The following PIK3AP1 variants were observed in gnomAD, a reference collection of about 807,000 sequenced individuals.
PIK3AP1 encodes the protein phosphoinositide-3-kinase adaptor protein 1, also known as phosphoinositide 3-kinase adapter protein 1.
A neutral mutation model predicts 88.1 loss-of-function variants in PIK3AP1; 21 were observed. The ratio of observed to expected loss-of-function variants is 0.24; its 90% CI spans 0.17 to 0.34. PIK3AP1 has a LOEUF of 0.34. PIK3AP1 is among the 10% of genes least tolerant of loss of function. The probability of loss-of-function intolerance (pLI) is 1.00; values close to 1 mark genes in which losing one functional copy is unlikely to be tolerated. For missense variants in PIK3AP1, 828 were observed against 1,035.7 expected (o/e 0.80, Z 2.75); for synonymous variants, 398 against 400.0 (o/e 1.00, Z 0.06).
intron 8 of PIK3AP1, among the ~76,000 whole-genome samples, chr10:96,635,058 A>G (rs904820982): frequency 1.3e-5 from 2 of 152,118 alleles, no homozygotes; most frequent in South Asian, 2.1e-4. Context: ...GACCTTTTTG[A>G]TTATATTGGG....
chr10:96,656,360 G>A (rs1589519448), intron 3 of PIK3AP1, among the ~76,000 whole-genome samples: 1 of 152,290 alleles, frequency 6.6e-6, no homozygotes, highest in Non-Finnish European at 1.5e-5. Flanking sequence ...GGTTTCAGCC[G>A]TCAAGCTTCA....
intron 8 of PIK3AP1, among the ~76,000 whole-genome samples, chr10:96,645,052 C>A (rs1843440491): frequency 1.3e-5 from 2 of 152,140 alleles, no homozygotes; most frequent in South Asian, 4.1e-4. Flanking sequence ...TCTTTAATTT[C>A]TCTTTCCTAT....
At position 96,651,359 on chromosome 10, in the gene PIK3AP1, T is replaced by C; in HGVS notation, c.877A>G (p.Asn293Asp). ...MCQAFKIVPY[N>D]TETLDKLLTE... ...AGCAGTTTATCAAGGGTCTCTGTGTTGTAGGGCACAATTTTAAAGGCCTGA... is the reference window on the plus strand; with the variant it reads ...AGCAGTTTATCAAGGGTCTCTGTGTCGTAGGGCACAATTTTAAAGGCCTGA... Residue 293 changes from asparagine (N) to aspartate (D), a missense_variant, in exon 6 of 17, where the codon AAC becomes GAC. Around this residue, in one of 3 missense-constraint regions of PIK3AP1, gnomAD observed 610 missense variants for 760.1 expected, o/e 0.80. Coordinates refer to ENST00000339364, the MANE Select transcript of PIK3AP1 (RefSeq NM_152309.3). 3.1e-6 allele frequency: 5 copies of C among 1,614,220 alleles called. No homozygotes were observed. Among genetic ancestry groups the C allele is most frequent in the Non-Finnish European group, 4.2e-6 (5 of 1,180,048 alleles).
chr10:96,626,573 G>T, intron 10 of PIK3AP1, 135 bp downstream of exon 10: 1 of 938,238 alleles, frequency 1.1e-6, no homozygotes, highest in Non-Finnish European at 1.6e-6. Context: ...ATATGACCCT[G>T]TCTCGTAGGG....
At chr10:96,697,520 C>T (rs530376329) in intron 2 of PIK3AP1, among the ~76,000 whole-genome samples, 1 of 152,208 alleles carries the variant, frequency 6.6e-6, no homozygotes, top group Admixed American at 6.5e-5. Flanking sequence ...TCCAGGAGTT[C>T]GAGACTAGCC....
Position 96,656,923 on chromosome 10 carries a change from C to G in PIK3AP1, c.442G>C (p.Asp148His). ...TCAGGCTCAGTGTCAGTGACTGAGT[C>G]ACAGCCAGAATCTACAAAATAGAGG... is the stretch of plus-strand genomic sequence containing the variant. ...KKAISEDSGC[D>H]SVTDTEPEDE... The change falls in exon 3 of 17, where the codon GAC (aspartate) becomes CAC (histidine). Residue 148 changes from aspartate to histidine, a missense_variant. By Grantham distance (81) the Asp-to-His change is moderately conservative (BLOSUM62 -1). Coordinates refer to ENST00000339364, the MANE Select transcript of PIK3AP1 (RefSeq NM_152309.3). 2 of 1,613,926 alleles carry G rather than the reference C, an allele frequency of 1.2e-6. No homozygotes were observed. The highest frequency in any genetic ancestry group is 1.1e-5 in the South Asian group (1 of 91,072).
intron 8 of PIK3AP1, among the ~76,000 whole-genome samples, chr10:96,640,722 G>C (rs1843373037): frequency 6.6e-6 from 1 of 151,810 alleles, no homozygotes; most frequent in Non-Finnish European, 1.5e-5. Flanking sequence ...CAGTGGTGCA[G>C]TCATGGCTCA....
chr10:96,659,459 C>G (rs1226819126), intron 2 of PIK3AP1, among the ~76,000 whole-genome samples: 1 of 152,080 alleles, frequency 6.6e-6, no homozygotes, highest in Non-Finnish European at 1.5e-5. Flanking sequence ...TCCTTTATTT[C>G]TCCCAAATTA....
intron 14 of PIK3AP1, among the ~76,000 whole-genome samples, chr10:96,606,849 A>G (rs993400154): frequency 6.6e-6 from 1 of 152,234 alleles, no homozygotes; most frequent in Non-Finnish European, 1.5e-5. Flanking sequence ...TTGGTGGATC[A>G]AGGAGTGAGA....
chr10:96,689,434 G>A (rs909549194), intron 2 of PIK3AP1, among the ~76,000 whole-genome samples: 4 of 151,728 alleles, frequency 2.6e-5, no homozygotes, highest in Admixed American at 2.6e-4. Context: ...GCTGGGCGTG[G>A]TGGCGGGCGC....
intron 12 of PIK3AP1, chr10:96,619,553 C>T (rs1843048782): frequency 6.6e-6 from 1 of 152,210 alleles, no homozygotes; most frequent in Non-Finnish European, 1.5e-5. Flanking sequence ...GTCCCTTAAC[C>T]TCCTGAGCCC....
chr10:96,601,594 C>G (rs1848897443), intron 16 of PIK3AP1, among the ~76,000 whole-genome samples: 1 of 152,116 alleles, frequency 6.6e-6, no homozygotes, highest in African/African-American at 2.4e-5. Flanking sequence ...AGGCTTCCCA[C>G]CACCATACGA....
chr10:96,640,249 C>G (rs1170602497), intron 8 of PIK3AP1, among the ~76,000 whole-genome samples: 1 of 152,216 alleles, frequency 6.6e-6, no homozygotes, highest in East Asian at 1.9e-4. Context: ...TAATGCCTTT[C>G]TCTTTTCGCT....
intron 2 of PIK3AP1, among the ~76,000 whole-genome samples, chr10:96,678,887 G>A (rs1843961636): frequency 6.6e-6 from 1 of 152,182 alleles, no homozygotes; most frequent in African/African-American, 2.4e-5. Flanking sequence ...GACCCCTGTA[G>A]GGGAAGAGGA....
At chr10:96,691,184 C>T (rs1453307499) in intron 2 of PIK3AP1, among the ~76,000 whole-genome samples, 1 of 152,178 alleles carries the variant, frequency 6.6e-6, no homozygotes, top group Non-Finnish European at 1.5e-5. Flanking sequence ...ATGGAGACAG[C>T]TGAGGCTTGT....
intron 13 of PIK3AP1, among the ~76,000 whole-genome samples, chr10:96,613,017 G>T (rs1589487535): frequency 2.2e-5 from 1 of 45,986 alleles, no homozygotes; most frequent in Non-Finnish European, 3.9e-5. Context: ...TTTTTTTTTT[G>T]AGACAGAGTC....
In PIK3AP1 at chr10:96,595,128, A is replaced by C. The variant is rs988372726; in HGVS notation, c.*449T>G. ...TACAGAAAAGTAGAAGAATTATTTT[A>C]AAATTAGGTCACTTATCTTACTTGA... is the stretch of plus-strand genomic sequence containing the variant. On this transcript the variant is annotated 3_prime_UTR_variant, in exon 17 of 17. Transcript: ENST00000339364. The C allele has an allele frequency of 6.2e-6, 1 of 160,352 alleles. No individual in the cohort carries two copies. Among genetic ancestry groups the C allele is most frequent in the South Asian group, 1.8e-4 (1 of 5,600 alleles). 9.9% of individuals were successfully genotyped at this position (160,352 alleles called of 1,614,324 possible).
chr10:96,616,156 C>T (rs773916180), intron 13 of PIK3AP1, among the ~76,000 whole-genome samples: 37 of 152,130 alleles, frequency 2.4e-4, no homozygotes, highest in Non-Finnish European at 4.9e-4. Flanking sequence ...ATTTGTGGCC[C>T]TGCTATTGCA....
chr10:96,660,295 AAG>A (rs1196342498), intron 2 of PIK3AP1, among the ~76,000 whole-genome samples: 1 of 152,162 alleles, frequency 6.6e-6, no homozygotes, highest in Non-Finnish European at 1.5e-5. Flanking sequence ...GATTTTAAAA[AAG>A]AGCAAAAGAC....
Sources: gnomAD v4.1 joint callset for allele counts (sites outside exome capture counted in the v4.1 genomes callset) on GRCh38, gnomAD v4.1.1 for gene constraint, gnomAD v4.1.1 regional missense constraint, MANE v1.5 for transcripts, NCBI Gene and HGNC (gene_info 2026-07-23, HGNC 2026-07-21) for gene names.